ANGEL2: variants seen among roughly 807,000 people sequenced by gnomAD.
ANGEL2 encodes the protein angel homolog 2.
Under a neutral mutation model 66.0 loss-of-function variants are expected in ANGEL2, and 41 were observed. That is an observed-to-expected ratio of 0.62 (90% CI 0.48 to 0.81). ANGEL2 has a LOEUF of 0.81. Ranked by LOEUF, ANGEL2 falls within the 30% of genes least tolerant of loss-of-function variation. The pLI, the probability that ANGEL2 is intolerant of heterozygous loss-of-function variation, is 0.00. For missense variants in ANGEL2, 561 were observed against 641.6 expected (o/e 0.87, Z 1.36); for synonymous variants, 208 against 226.5 (o/e 0.92, Z 0.73).
At position 213,005,269 on chromosome 1, in the gene ANGEL2, C is replaced by G; in HGVS notation, c.898G>C (p.Ala300Pro). The change falls in exon 5 of 9, where the codon GCC becomes CCC. Residue 300 changes from alanine to proline, a missense_variant. By Grantham distance (27) the Ala-to-Pro change is conservative. Coordinates refer to ENST00000366962, the MANE Select transcript of ANGEL2 (RefSeq NM_144567.5). Reference protein sequence around the residue: ...LLLQPKIPYAACPAICVANTH... With the variant: ...LLLQPKIPYAPCPAICVANTH... Reference sequence around the variant, plus strand: ...TTTGCTACGCAGATTGCAGGGCAGGCAGCATATGGAATTTTGGGCTGTAAG... The same window carrying G: ...TTTGCTACGCAGATTGCAGGGCAGGGAGCATATGGAATTTTGGGCTGTAAG... 6.2e-7 allele frequency: 1 copy of G among 1,614,202 alleles called. No homozygotes were observed. Among genetic ancestry groups the G allele is most frequent in the South Asian group, 1.1e-5 (1 of 91,090 alleles).
chr1:213,005,520 CT>C, intron 4 of ANGEL2, 66 bp from the exon 5 acceptor site: 1 of 1,403,856 alleles, frequency 7.1e-7, no homozygotes, highest in Non-Finnish European at 9.6e-7. Context: ...CACAGCTCAC[CT>C]GATACTTCTG....
intron 2 of ANGEL2, 142 bp downstream of exon 2, chr1:213,012,951 T>G (rs985387527): frequency 8.0e-5 from 61 of 758,504 alleles, no homozygotes; most frequent in Non-Finnish European, 1.2e-4. Context: ...AGAATTCATT[T>G]TTTTCTAACA....
intron 1 of ANGEL2, 85 bp downstream of exon 1, chr1:213,015,528 C>CCCCCCCCGGTATT: frequency 1.4e-6 from 2 of 1,457,624 alleles, no homozygotes; most frequent in Non-Finnish European, 1.8e-6. Context: ...CGCCCCGCCC[C>CCCCCCCCGGTATT]GCCCCGGGTT....
At chr1:213,004,865 C>CAAAAAAA (rs60445711) in intron 5 of ANGEL2, among the ~76,000 whole-genome samples, 168 bp downstream of exon 5, 1 of 35,242 alleles carries the variant, frequency 2.8e-5, no homozygotes, top group Non-Finnish European at 4.9e-5. Flanking sequence ...GAGACTGTCT[C>CAAAAAAA]AAAAAAAAAA....
chr1:213,014,471 T>C (rs2148184943), intron 1 of ANGEL2, among the ~76,000 whole-genome samples: 2 of 152,374 alleles, frequency 1.3e-5, no homozygotes, highest in Non-Finnish European at 1.5e-5. Context: ...TGTAAATCTT[T>C]AAAGGCATAA....
intron 4 of ANGEL2, 85 bp downstream of exon 4, chr1:213,007,044 T>C (rs1572140613): frequency 7.7e-7 from 1 of 1,291,648 alleles, no homozygotes; most frequent in Non-Finnish European, 1.1e-6. Context: ...TAGTGAGCCA[T>C]GATTGTGCCA....
At chr1:213,004,761 G>A (rs911792618) in intron 5 of ANGEL2, among the ~76,000 whole-genome samples, 5 of 151,236 alleles carry the variant, frequency 3.3e-5, no homozygotes, top group African/African-American at 7.3e-5. Flanking sequence ...CCAGCCACTC[G>A]GGAGGCTGAG....
At position 213,006,994 on chromosome 1, in the gene ANGEL2, C is replaced by T. The variant is rs760527275; in HGVS notation, c.712+135G>A. Reference sequence around the variant, plus strand: ...CTCTAGTCCCAGCTACTCAGGAAGCCGAAATGAGAGGATTACTTGAGCCCA... The same window carrying T: ...CTCTAGTCCCAGCTACTCAGGAAGCTGAAATGAGAGGATTACTTGAGCCCA... On this transcript the variant is annotated intron_variant, in intron 4 of 8. Coordinates refer to ENST00000366962, the MANE Select transcript of ANGEL2 (RefSeq NM_144567.5). 24 of 740,606 alleles carry T rather than the reference C, an allele frequency of 3.2e-5. No individual in the cohort carries two copies. In the Admixed American group the frequency reaches 3.8e-4, roughly 12 times the overall value. The allele number at this position is 740,606 out of a possible 1,614,324, so 45.9% of individuals were successfully genotyped here.
intron 3 of ANGEL2, 93 bp downstream of exon 3, chr1:213,008,117 G>A (rs2148166544): frequency 7.2e-7 from 1 of 1,397,842 alleles, no homozygotes; most frequent in Non-Finnish European, 9.7e-7. Context: ...ACCTGCCTCA[G>A]CCTCCCAAAG....
At chr1:212,999,918 G>T (rs186823115) in intron 7 of ANGEL2, among the ~76,000 whole-genome samples, 5 of 152,340 alleles carry the variant, frequency 3.3e-5, no homozygotes, top group African/African-American at 1.2e-4. Flanking sequence ...AGATCTGAAA[G>T]ATATTTTTAT....
chr1:213,003,232 T>G (rs2076227340), intron 5 of ANGEL2, among the ~76,000 whole-genome samples: 1 of 152,242 alleles, frequency 6.6e-6, no homozygotes, highest in African/African-American at 2.4e-5. Flanking sequence ...CCACTCAAGC[T>G]TTCTCCATAT....
At position 213,008,403 on chromosome 1, in the gene ANGEL2, C is replaced by G; in HGVS notation, c.449G>C (p.Gly150Ala). 6.2e-7 allele frequency: 1 copy of G among 1,614,050 alleles called. No homozygotes were observed. Among genetic ancestry groups the G allele is most frequent in the Non-Finnish European group, 8.5e-7 (1 of 1,179,970 alleles). ...SHDKEKTKIL[G>A]DKNVDPKCED... is the part of the protein sequence containing the mutation. ...ACATTTGGGATCAACATTTTTGTCT[C>G]CTAGGATCTTCGTTTTTTCTTTATC... Residue 150 changes from glycine (G) to alanine (A), a missense_variant, in exon 3 of 9, where the codon GGA (glycine) becomes GCA (alanine). Coordinates refer to ENST00000366962, the MANE Select transcript of ANGEL2 (RefSeq NM_144567.5).
At chr1:212,998,998 G>A (rs1000168899) in intron 7 of ANGEL2, among the ~76,000 whole-genome samples, 1 of 152,010 alleles carries the variant, frequency 6.6e-6, no homozygotes, top group African/African-American at 2.4e-5. Context: ...CTCTGCCTCA[G>A]CCTACCTGGG....
Position 213,005,104 on chromosome 1 carries a change from C to T in ANGEL2, c.1063G>A (p.Val355Ile), listed in dbSNP as rs2076285482. 1 of 1,612,278 alleles carries T rather than the reference C, an allele frequency of 6.2e-7. No individual in the cohort carries two copies. The highest frequency in any genetic ancestry group is 2.2e-5 in the East Asian group (1 of 44,880). Reference sequence around the variant, plus strand: ...AAACTATATAGTGGAGAACCAGGAACAGAATTAAAGTCACCACACATAACA... The same window carrying T: ...AAACTATATAGTGGAGAACCAGGAATAGAATTAAAGTCACCACACATAACA... ...PIVMCGDFNSVPGSPLYSFIK... is the reference protein window; with the variant it reads ...PIVMCGDFNSIPGSPLYSFIK... Residue 355 changes from valine (V) to isoleucine (I), a missense_variant, in exon 5 of 9, where the codon GTT (valine) becomes ATT (isoleucine). Coordinates refer to ENST00000366962, the MANE Select transcript of ANGEL2 (RefSeq NM_144567.5).
Position 212,992,804 on chromosome 1 carries a change from T to C in ANGEL2, c.*2237A>G, listed in dbSNP as rs2102676483. 6.6e-6 allele frequency: 1 copy of C among 152,336 alleles called. No homozygotes were observed. The highest frequency in any genetic ancestry group is 1.5e-5 in the Non-Finnish European group (1 of 68,032). 9.4% of individuals were successfully genotyped at this position (152,336 alleles called of 1,614,324 possible). Reference sequence around the variant, plus strand: ...TTTGTTAACAATGACCTATATGTAATAATGTTATTTGTTAATAAATTCACA... The same window carrying C: ...TTTGTTAACAATGACCTATATGTAACAATGTTATTTGTTAATAAATTCACA... On this transcript the variant is annotated 3_prime_UTR_variant, in exon 9 of 9. Coordinates refer to ENST00000366962, the MANE Select transcript of ANGEL2 (RefSeq NM_144567.5).
chr1:213,001,021 C>G (rs528873438), intron 5 of ANGEL2, 109 bp from the exon 6 acceptor site: 1 of 1,045,154 alleles, frequency 9.6e-7, no homozygotes, highest in South Asian at 1.6e-5. Flanking sequence ...AAATTATTAC[C>G]CTTTATTCAT....
Position 212,995,114 on chromosome 1 carries a change from A to G in ANGEL2, c.1562T>C (p.Val521Ala). Reference sequence around the variant, plus strand: ...GTTATTTTCGTTTGGAAGTCCATTAACAGTCCATAAGTCTTGTTCTGTAAG... The same window carrying G: ...GTTATTTTCGTTTGGAAGTCCATTAGCAGTCCATAAGTCTTGTTCTGTAAG... Reference protein sequence around the residue: ...SLLTEQDLWTVNGLPNENNSS... With the variant: ...SLLTEQDLWTANGLPNENNSS... The change falls in exon 9 of 9, where the codon GTT becomes GCT. Residue 521 changes from valine to alanine, a missense_variant. Transcript: ENST00000366962. The G allele has an allele frequency of 6.2e-7, 1 of 1,612,822 alleles. No individual in the cohort carries two copies. Among genetic ancestry groups the G allele is most frequent in the Non-Finnish European group, 8.5e-7 (1 of 1,179,280 alleles).
At chr1:213,008,129 GC>G (rs1281678217) in intron 3 of ANGEL2, 80 bp downstream of exon 3, 1 of 1,470,894 alleles carries the variant, frequency 6.8e-7, no homozygotes, top group Non-Finnish European at 9.2e-7. Context: ...CTCCCAAAGT[GC>G]TGGGATTACA....
intron 2 of ANGEL2, among the ~76,000 whole-genome samples, chr1:213,009,827 G>C (rs1023632723): frequency 2.0e-5 from 3 of 152,126 alleles, no homozygotes; most frequent in South Asian, 2.1e-4. Context: ...GAGGCGGGTG[G>C]ATCACCTGAG....
Sources: allele counts gnomAD v4.1 joint callset (sites outside exome capture counted in the v4.1 genomes callset), GRCh38; gene constraint gnomAD v4.1.1; transcripts MANE v1.5; gene names NCBI Gene and HGNC (gene_info 2026-07-23, HGNC 2026-07-21).